Variants in CERS3 observed in about 807,000 individuals in gnomAD.
CERS3 encodes the protein ceramide synthase 3, also known as LAG1 homolog, ceramide synthase 3.
A neutral mutation model predicts 50.3 loss-of-function variants in CERS3; 33 were observed. That is an observed-to-expected ratio of 0.66 (90% CI 0.50 to 0.88). The LOEUF (loss-of-function observed/expected upper bound fraction) is 0.88. Among genes scored for constraint, CERS3 ranks in the 40% least tolerant of loss-of-function variants. The pLI is 0.00. For synonymous variants in CERS3, 176 were observed against 155.2 expected (o/e 1.13, Z -0.99); for missense variants, 470 against 460.3 (o/e 1.02, Z -0.19).
At chr15:100,489,669 T>G (rs2035592624) in intron 4 of CERS3, among the ~76,000 whole-genome samples, 1 of 152,112 alleles carries the variant, frequency 6.6e-6, no homozygotes, top group Non-Finnish European at 1.5e-5. Flanking sequence ...TTGAAACATA[T>G]AAAGGGATGC....
At chr15:100,452,661 C>A (rs940221798) in intron 11 of CERS3, among the ~76,000 whole-genome samples, 4 of 151,358 alleles carry the variant, frequency 2.6e-5, no homozygotes, top group African/African-American at 9.7e-5. Context: ...AAGATCAGAG[C>A]AAATCTAAAT....
chr15:100,450,813 T>C (rs1301931648), intron 11 of CERS3, among the ~76,000 whole-genome samples: 1 of 152,050 alleles, frequency 6.6e-6, no homozygotes, highest in African/African-American at 2.4e-5. Context: ...AACAGAAATG[T>C]GTCTAGTCAC....
In CERS3 at chr15:100,476,192, G is replaced by A. The variant is rs776009939; in HGVS notation, c.517-14C>T. 5.2e-6 allele frequency: 8 copies of A among 1,528,894 alleles called. No individual in the cohort carries two copies. Among genetic ancestry groups the A allele is most frequent in the Non-Finnish European group, 7.0e-6 (8 of 1,136,408 alleles). 94.7% of individuals were successfully genotyped at this position (1,528,894 alleles called of 1,614,324 possible). A position where few individuals can be genotyped will look rare whatever the true frequency, so the allele number is the denominator to read the frequency against. ...TGGCAGCAGGGGCTGAGGAAAAGAA[G>A]AGTATTCATTACTTTAAATGCCATC... On this transcript the variant is annotated splice_polypyrimidine_tract_variant and intron_variant, in intron 7 of 11. Transcript: ENST00000679737.
At chr15:100,425,687 T>G (rs2032768755) in intron 11 of CERS3, among the ~76,000 whole-genome samples, 1 of 152,198 alleles carries the variant, frequency 6.6e-6, no homozygotes, top group Non-Finnish European at 1.5e-5. Context: ...TTTGAGTTAA[T>G]GCTAAAATGA....
rs138731947 is a variant in CERS3, at chr15:100,447,676, A to G, written c.999+8217T>C. Reference sequence around the variant, plus strand: ...GGCTCAACTCAAACTCCATCACTCAATGAAACATTTCCTGGTCCCTTGAGT... The same window carrying G: ...GGCTCAACTCAAACTCCATCACTCAGTGAAACATTTCCTGGTCCCTTGAGT... On this transcript the variant is annotated intron_variant, in intron 11 of 11. Transcript: ENST00000679737. 1.9e-3 allele frequency among the ~76,000 whole-genome samples: 286 copies of G among 152,334 alleles called. 1 individual carries two copies. Among genetic ancestry groups the G allele is most frequent in the African/African-American group, 6.5e-3 (271 of 41,578 alleles).
At chr15:100,450,288 T>C (rs2142180260) in intron 11 of CERS3, among the ~76,000 whole-genome samples, 1 of 151,716 alleles carries the variant, frequency 6.6e-6, no homozygotes, top group Middle Eastern at 3.4e-3. Context: ...GCATGTGGCA[T>C]GCACCGGTAG....
At chr15:100,484,442 G>A in intron 5 of CERS3, 108 bp downstream of exon 5, 2 of 741,040 alleles carry the variant, frequency 2.7e-6, no homozygotes, top group African/African-American at 1.7e-5. Context: ...GGGTGACAGA[G>A]CTGGGTCTGA....
intron 11 of CERS3, among the ~76,000 whole-genome samples, chr15:100,409,962 G>T (rs2585248): frequency 6.6e-6 from 1 of 151,962 alleles, no homozygotes; most frequent in South Asian, 2.1e-4. Flanking sequence ...TGGCACACAC[G>T]CCTGTCATCT....
intron 1 of CERS3, among the ~76,000 whole-genome samples, chr15:100,528,027 T>C (rs1308162998): frequency 2.0e-5 from 3 of 152,206 alleles, no homozygotes; most frequent in African/African-American, 7.2e-5. Context: ...CACTTGAACA[T>C]TGTGGGTTAA....
chr15:100,498,659 G>A (rs1158532759), intron 3 of CERS3, among the ~76,000 whole-genome samples: 1 of 152,104 alleles, frequency 6.6e-6, no homozygotes, highest in Non-Finnish European at 1.5e-5. Flanking sequence ...CCTTTGTCTA[G>A]CACCCCATCA....
intron 7 of CERS3, among the ~76,000 whole-genome samples, chr15:100,477,282 G>T (rs771593550): frequency 6.6e-6 from 1 of 152,138 alleles, no homozygotes; most frequent in Non-Finnish European, 1.5e-5. Flanking sequence ...TAATTCTTAG[G>T]TCCCTTATTG....
chr15:100,486,233 G>A (rs577655902), intron 4 of CERS3, among the ~76,000 whole-genome samples: 23 of 152,312 alleles, frequency 1.5e-4, no homozygotes, highest in South Asian at 8.3e-4. Context: ...GTGACCAGCC[G>A]GATAGCTTCT....
chr15:100,510,884 C>T (rs1421002945), intron 2 of CERS3, among the ~76,000 whole-genome samples: 1 of 152,146 alleles, frequency 6.6e-6, no homozygotes, highest in Non-Finnish European at 1.5e-5. Flanking sequence ...ACAGGTGAGA[C>T]TGTGACTCTA....
At chr15:100,410,239 G>C (rs2031374575) in intron 11 of CERS3, among the ~76,000 whole-genome samples, 2 of 152,188 alleles carry the variant, frequency 1.3e-5, no homozygotes, top group Non-Finnish European at 2.9e-5. Context: ...TGAGAGACAA[G>C]TTCCTAGCTT....
rs2036236514 is a variant in CERS3, at chr15:100,508,142, G to A, written c.-1-6292C>T. 2.0e-5 allele frequency among the ~76,000 whole-genome samples: 3 copies of A among 147,024 alleles called. No homozygotes were observed. The South Asian group carries it at 6.6e-4, about 33-fold the overall frequency. The stretch of plus-strand genomic sequence containing the variant: ...GTACCTGTTTTTAGGATTTATAACT[G>A]AGAAGTACACAGCCTGCAGCATTTG... On this transcript the variant is annotated intron_variant, in intron 2 of 11. Transcript: ENST00000679737.
intron 5 of CERS3, among the ~76,000 whole-genome samples, chr15:100,480,341 G>A (rs974513411): frequency 6.6e-6 from 1 of 152,086 alleles, no homozygotes; most frequent in African/African-American, 2.4e-5. Context: ...AACAATAAAT[G>A]GCAGCCATTA....
chr15:100,527,251 C>T (rs2036821136), intron 1 of CERS3, among the ~76,000 whole-genome samples: 1 of 152,160 alleles, frequency 6.6e-6, no homozygotes, highest in Non-Finnish European at 1.5e-5. Context: ...GAGCCAAGAT[C>T]ATGCCACTGC....
At chr15:100,521,354 C>T (rs2142385969) in intron 2 of CERS3, among the ~76,000 whole-genome samples, 2 of 152,302 alleles carry the variant, frequency 1.3e-5, no homozygotes, top group Middle Eastern at 6.8e-3. Context: ...CCTTCCTTCC[C>T]ATCAGAACAG....
At chr15:100,409,117 A>G (rs571561151) in intron 11 of CERS3, among the ~76,000 whole-genome samples, 1 of 152,308 alleles carries the variant, frequency 6.6e-6, no homozygotes, top group Non-Finnish European at 1.5e-5. Flanking sequence ...GGCTCTTCGT[A>G]TAAGAAAGTG....
Sources: gnomAD v4.1 joint callset for allele counts (sites outside exome capture counted in the v4.1 genomes callset) on GRCh38, gnomAD v4.1.1 for gene constraint, MANE v1.5 for transcripts, NCBI Gene and HGNC (gene_info 2026-07-23, HGNC 2026-07-21) for gene names.